The following MRTFB variants were observed in gnomAD, a reference collection of about 807,000 sequenced individuals.
MRTFB encodes myocardin-related transcription factor B.
MRTFB carries 29 observed loss-of-function variants against 104.2 expected under a neutral mutation model. The observed-to-expected ratio is 0.28, with a 90% CI of 0.21 to 0.38. The LOEUF (loss-of-function observed/expected upper bound fraction) is 0.38. Ranked by LOEUF, MRTFB falls within the 10% of genes least tolerant of loss-of-function variation. The pLI is 1.00. For synonymous variants in MRTFB, 535 were observed against 519.5 expected, an observed-to-expected ratio of 1.03 and a Z score of -0.41; for missense variants, 1,270 against 1,341.6, an observed-to-expected ratio of 0.95 and a Z score of 0.83.
the MRTFB span, among the ~76,000 whole-genome samples, chr16:14,062,446 A>G: frequency 1.1e-3 from 166 of 152,132 alleles, no homozygotes; most frequent in Non-Finnish European, 2.0e-3. Context: ...GTTAAGGCTC[A>G]TTCCCATCAC....
intron 1 of MRTFB, among the ~76,000 whole-genome samples, chr16:14,073,758 A>G (rs745712548): frequency 2.6e-5 from 4 of 152,234 alleles, no homozygotes; most frequent in Admixed American, 2.6e-4. Context: ...TCACCCTTTA[A>G]ATAGCTTCTT....
chr16:14,219,427 G>A (rs1171119359), intron 8 of MRTFB, among the ~76,000 whole-genome samples: 3 of 152,278 alleles, frequency 2.0e-5, no homozygotes, highest in African/African-American at 4.8e-5. Flanking sequence ...TTCTTGTGCT[G>A]TACATAATTT....
At chr16:14,233,867 A>C (rs991656426) in intron 8 of MRTFB, among the ~76,000 whole-genome samples, 2 of 151,756 alleles carry the variant, frequency 1.3e-5, no homozygotes, top group African/African-American at 4.8e-5. Context: ...CCCTGCCAAT[A>C]AAGAGTGGGT....
At chr16:14,186,693 T>G (rs2039965019) in intron 3 of MRTFB, 4 of 1,359,206 alleles carry the variant, frequency 2.9e-6, no homozygotes, top group Non-Finnish European at 3.8e-6. Context: ...TGGGAGAGAG[T>G]TAAGGGCTTC....
At chr16:14,213,039 A>T (rs2041262158) in intron 5 of MRTFB, among the ~76,000 whole-genome samples, 1 of 152,248 alleles carries the variant, frequency 6.6e-6, no homozygotes, top group South Asian at 2.1e-4. Flanking sequence ...TTTTTCTAGA[A>T]TGCAATAATG....
intron 13 of MRTFB, among the ~76,000 whole-genome samples, 162 bp downstream of exon 13, chr16:14,249,243 C>A (rs749367977): frequency 2.6e-5 from 4 of 152,216 alleles, no homozygotes; most frequent in Non-Finnish European, 5.9e-5. Context: ...CATTTGGCTG[C>A]AGATTTCCCA....
At chr16:14,258,337 G>C (rs2043600551) in intron 16 of MRTFB, among the ~76,000 whole-genome samples, 176 bp downstream of exon 16, 1 of 152,188 alleles carries the variant, frequency 6.6e-6, no homozygotes, top group African/African-American at 2.4e-5. Flanking sequence ...TTATGGCCAG[G>C]TGCGGTGGCT....
chr16:14,152,928 G>A (rs1483379991), intron 3 of MRTFB: 2 of 152,138 alleles, frequency 1.3e-5, no homozygotes, highest in Non-Finnish European at 2.9e-5. Context: ...TCTGTTGTAG[G>A]AATGTAATAT....
chr16:14,148,193 A>G (rs943033560), intron 3 of MRTFB, among the ~76,000 whole-genome samples: 2 of 152,170 alleles, frequency 1.3e-5, no homozygotes, highest in African/African-American at 4.8e-5. Flanking sequence ...CTCAGCTATA[A>G]CCTCCTAGCT....
At chr16:14,221,767 A>G (rs1051579561) in intron 8 of MRTFB, among the ~76,000 whole-genome samples, 3 of 137,870 alleles carry the variant, frequency 2.2e-5, no homozygotes, top group African/African-American at 8.1e-5. Flanking sequence ...ATTTTTTTAG[A>G]TATTTCTTTC....
At chr16:14,199,966 G>A (rs2040608420) in intron 3 of MRTFB, 2 of 252,706 alleles carry the variant, frequency 7.9e-6, no homozygotes, top group Admixed American at 5.1e-5. Context: ...GGTAATCTTT[G>A]TTTCTGAATT....
At chr16:14,245,506 T>C in intron 10 of MRTFB, 22 bp from the exon 11 acceptor site, 1 of 1,591,130 alleles carries the variant, frequency 6.3e-7, no homozygotes, top group East Asian at 2.2e-5. Context: ...TTATAAACTC[T>C]AATTTTTGTT....
chr16:14,251,664 G>C (rs2043261318), intron 13 of MRTFB, among the ~76,000 whole-genome samples, 198 bp from the exon 14 acceptor site: 1 of 152,220 alleles, frequency 6.6e-6, no homozygotes, highest in Non-Finnish European at 1.5e-5. Flanking sequence ...TCCATGTACT[G>C]TCTGTGGCTG....
chr16:14,001,059 C>A, the MRTFB span, among the ~76,000 whole-genome samples: 2 of 152,234 alleles, frequency 1.3e-5, no homozygotes, highest in Admixed American at 6.5e-5. Context: ...ATGGGTATAG[C>A]GACTACGTCC....
the MRTFB span, among the ~76,000 whole-genome samples, chr16:13,999,470 C>T: frequency 6.8e-6 from 1 of 146,464 alleles, no homozygotes; most frequent in Non-Finnish European, 1.5e-5. Flanking sequence ...GCCAGTGAAA[C>T]TCAAGAAGAC....
At chr16:14,087,850 C>A (rs2034817381) in intron 2 of MRTFB, among the ~76,000 whole-genome samples, 1 of 152,178 alleles carries the variant, frequency 6.6e-6, no homozygotes, top group South Asian at 2.1e-4. Context: ...CAGATTGCAT[C>A]AATCTTTATG....
intron 3 of MRTFB, among the ~76,000 whole-genome samples, chr16:14,162,232 G>A (rs2039069787): frequency 6.6e-6 from 1 of 151,988 alleles, no homozygotes; most frequent in African/African-American, 2.4e-5. Flanking sequence ...TGTTCAGGAG[G>A]CTGATGCCAG....
In MRTFB at chr16:14,111,108, G is replaced by T. The variant is rs922616220; in HGVS notation, c.-63-29436G>T. Among the ~76,000 whole-genome samples, 3 of 151,926 alleles carry T rather than the reference G, an allele frequency of 2.0e-5. No homozygotes were observed. In the East Asian group the frequency reaches 5.8e-4, roughly 29 times the overall value. ...TTTTCCTACTTCTGTAACTTCCTTT[G>T]TTTCTTTCCCCTAAATACCTTAGCC... On this transcript the variant is annotated intron_variant, in intron 2 of 16. Coordinates refer to ENST00000571589, the MANE Select transcript of MRTFB (RefSeq NM_001308142.2).
At chr16:14,175,152 AC>A (rs1349094995) in intron 3 of MRTFB, among the ~76,000 whole-genome samples, 1 of 152,154 alleles carries the variant, frequency 6.6e-6, no homozygotes, top group Non-Finnish European at 1.5e-5. Context: ...TTAAAAAAAA[AC>A]ATATTTATTG....
Sources: gnomAD v4.1 joint callset for allele counts (sites outside exome capture counted in the v4.1 genomes callset) on GRCh38, gnomAD v4.1.1 for gene constraint, MANE v1.5 for transcripts, NCBI Gene and HGNC (gene_info 2026-07-23, HGNC 2026-07-21) for gene names.